FAM107B: variants seen among roughly 807,000 people sequenced by gnomAD.
FAM107B encodes the protein family with sequence similarity 107 member B, also known as protein FAM107B.
FAM107B carries 21 observed loss-of-function variants against 31.5 expected under a neutral mutation model. The observed-to-expected ratio is 0.67, with a 90% CI of 0.47 to 0.96. The LOEUF is 0.96. FAM107B is among the 40% of genes least tolerant of loss of function. The pLI is 0.00. For missense variants in FAM107B, 452 were observed against 377.1 expected (o/e 1.20, Z -1.64); for synonymous variants, 157 against 141.5 (o/e 1.11, Z -0.78).
chr10:14,559,907 A>C (rs1850089791), intron 2 of FAM107B, among the ~76,000 whole-genome samples: 1 of 152,064 alleles, frequency 6.6e-6, no homozygotes. Context: ...GATTAAAGGA[A>C]CTGTAAGAGC....
At chr10:14,656,365 C>T (rs57420795) in intron 2 of FAM107B, among the ~76,000 whole-genome samples, 5,905 of 152,308 alleles carry the variant, frequency 0.039, 180 homozygotes, top group East Asian at 0.13. Flanking sequence ...GCAAAAGCAA[C>T]GCCAACAATT....
intron 2 of FAM107B, chr10:14,604,132 C>G: frequency 8.4e-6 from 6 of 711,358 alleles, no homozygotes; most frequent in Non-Finnish European, 1.0e-5. Flanking sequence ...CCCGCCCGGC[C>G]GCCCGCCCGC....
intron 2 of FAM107B, among the ~76,000 whole-genome samples, chr10:14,554,709 AC>A (rs1849550578): frequency 6.6e-6 from 1 of 152,258 alleles, no homozygotes; most frequent in Non-Finnish European, 1.5e-5. Flanking sequence ...ATAAGTTTCA[AC>A]AGAACATTTC....
At chr10:14,547,152 C>T (rs1037001370) in intron 2 of FAM107B, among the ~76,000 whole-genome samples, 3 of 152,192 alleles carry the variant, frequency 2.0e-5, no homozygotes, top group Non-Finnish European at 2.9e-5. Context: ...GTACACTGGC[C>T]CCGGCAGAAG....
intron 1 of FAM107B, among the ~76,000 whole-genome samples, chr10:14,752,741 G>C (rs1277593149): frequency 1.3e-5 from 2 of 152,132 alleles, no homozygotes; most frequent in Non-Finnish European, 2.9e-5. Flanking sequence ...AGACCAGCCT[G>C]GGCAATGTGG....
intron 2 of FAM107B, among the ~76,000 whole-genome samples, chr10:14,623,817 T>A (rs1182458052): frequency 1.3e-5 from 2 of 152,194 alleles, no homozygotes; most frequent in Admixed American, 6.5e-5. Context: ...AGACGGGGAC[T>A]CTGTCTTAAA....
chr10:14,622,570 G>A (rs910555505), intron 2 of FAM107B, among the ~76,000 whole-genome samples: 2 of 152,176 alleles, frequency 1.3e-5, no homozygotes, highest in Non-Finnish European at 2.9e-5. Flanking sequence ...CTCCCAAAGT[G>A]CTGGGATTAC....
chr10:14,577,282 T>A (rs1164653233), intron 2 of FAM107B, among the ~76,000 whole-genome samples: 25 of 152,238 alleles, frequency 1.6e-4, no homozygotes. Flanking sequence ...ATGCTCATAT[T>A]TGCATTCTAT....
chr10:14,774,505 A>C lies in FAM107B; in HGVS notation c.159T>G (p.Arg53=). 6.2e-7 allele frequency: 1 copy of C among 1,614,164 alleles called. No individual in the cohort carries two copies. The highest frequency in any genetic ancestry group is 2.2e-5 in the East Asian group (1 of 44,876). ...TGCCTGCTTTGGCCACAGGCTGCAC[A>C]CGGACGGTGGAATGAGTATCAGCCA... The part of the protein sequence containing the change: ...SGVADTHSTV[R]VQPVAKAGRQ... Residue 53 remains arginine (R), a synonymous_variant, in exon 1 of 5, where the codon CGT becomes CGG. Transcript: ENST00000181796.
At chr10:14,554,411 C>T (rs1008199958) in intron 2 of FAM107B, among the ~76,000 whole-genome samples, 1 of 152,194 alleles carries the variant, frequency 6.6e-6, no homozygotes, top group African/African-American at 2.4e-5. Flanking sequence ...AGGGCCGGAA[C>T]TCAGACTGGG....
At chr10:14,630,278 T>TAAAAAAA (rs10525721) in intron 2 of FAM107B, among the ~76,000 whole-genome samples, 1 of 134,578 alleles carries the variant, frequency 7.4e-6, no homozygotes, top group Non-Finnish European at 1.6e-5. Flanking sequence ...CTACTGATGC[T>TAAAAAAA]AAAAAAAAAA....
At chr10:14,661,814 T>C (rs900210131) in intron 2 of FAM107B, 2 of 152,216 alleles carry the variant, frequency 1.3e-5, no homozygotes, top group Non-Finnish European at 2.9e-5. Context: ...CCAGTGACTA[T>C]CCCTGTCCTC....
chr10:14,702,758 G>A (rs566085917), intron 1 of FAM107B, among the ~76,000 whole-genome samples: 4 of 152,188 alleles, frequency 2.6e-5, no homozygotes, highest in South Asian at 4.1e-4. Flanking sequence ...GGAGTACAGC[G>A]AAGTCCACCC....
At chr10:14,718,326 G>A (rs1271085118) in intron 1 of FAM107B, among the ~76,000 whole-genome samples, 1 of 150,878 alleles carries the variant, frequency 6.6e-6, no homozygotes, top group Non-Finnish European at 1.5e-5. Context: ...GAGCAACAGA[G>A]CGAGACTCAA....
At chr10:14,572,637 G>C (rs1433232775) in intron 2 of FAM107B, among the ~76,000 whole-genome samples, 2 of 150,280 alleles carry the variant, frequency 1.3e-5, no homozygotes, top group Non-Finnish European at 3.0e-5. Context: ...CTTGTACCCA[G>C]GAGTTTGAGG....
At chr10:14,736,404 AT>A (rs1856300342) in intron 1 of FAM107B, among the ~76,000 whole-genome samples, 1 of 152,208 alleles carries the variant, frequency 6.6e-6, no homozygotes, top group African/African-American at 2.4e-5. Context: ...ACCTCTGGTG[AT>A]TTGAGTAGTT....
intron 2 of FAM107B, among the ~76,000 whole-genome samples, chr10:14,612,869 G>C (rs1852758660): frequency 6.6e-6 from 1 of 152,130 alleles, no homozygotes; most frequent in African/African-American, 2.4e-5. Flanking sequence ...ACAAAACCAT[G>C]ATGAGCAACT....
intron 1 of FAM107B, among the ~76,000 whole-genome samples, chr10:14,705,105 G>A (rs983324796): frequency 3.3e-5 from 5 of 151,036 alleles, no homozygotes; most frequent in Non-Finnish European, 5.9e-5. Flanking sequence ...ATAAGCTCAT[G>A]GATTGCTGCA....
At chr10:14,642,619 T>TG (rs1853656412) in intron 2 of FAM107B, among the ~76,000 whole-genome samples, 1 of 152,096 alleles carries the variant, frequency 6.6e-6, no homozygotes, top group South Asian at 2.1e-4. Flanking sequence ...TTGGTGTTTT[T>TG]TTTGCAATAT....
Sources: allele counts gnomAD v4.1 joint callset (sites outside exome capture counted in the v4.1 genomes callset), GRCh38; gene constraint gnomAD v4.1.1; transcripts MANE v1.5; gene names NCBI Gene and HGNC (gene_info 2026-07-23, HGNC 2026-07-21).